Variants in ATP10A observed in about 807,000 individuals in gnomAD.
ATP10A encodes the protein phospholipid-transporting ATPase VA.
In ATP10A, 111 loss-of-function variants were observed where a neutral mutation model predicts 147.8. That is an observed-to-expected ratio of 0.75 (90% CI 0.64 to 0.88). The LOEUF is 0.88. Ranked by LOEUF, ATP10A falls within the 40% of genes least tolerant of loss-of-function variation. The pLI is 0.00. For synonymous variants in ATP10A, 875 were observed against 841.6 expected (o/e 1.04, Z -0.69); for missense variants, 1,927 against 1,959.0 (o/e 0.98, Z 0.31).
At chr15:25,784,134 G>A (rs1890050929) in intron 1 of ATP10A, among the ~76,000 whole-genome samples, 1 of 152,170 alleles carries the variant, frequency 6.6e-6, no homozygotes, top group Admixed American at 6.5e-5. Context: ...AGCGTCTGCT[G>A]GGCTCCTGCA....
At chr15:25,751,443 C>T (rs1888152519) in intron 2 of ATP10A, among the ~76,000 whole-genome samples, 2 of 152,126 alleles carry the variant, frequency 1.3e-5, no homozygotes, top group African/African-American at 4.8e-5. Flanking sequence ...AAATACTCCA[C>T]CTAAAAACAG....
chr15:25,798,901 C>T (rs1300524457), intron 1 of ATP10A, among the ~76,000 whole-genome samples: 4 of 78,138 alleles, frequency 5.1e-5, no homozygotes, highest in African/African-American at 1.8e-4. Context: ...CTCGGAGGCC[C>T]CCGACTGGCT....
intron 1 of ATP10A, among the ~76,000 whole-genome samples, chr15:25,842,682 T>C (rs910219623): frequency 6.6e-6 from 1 of 152,090 alleles, no homozygotes; most frequent in Non-Finnish European, 1.5e-5. Flanking sequence ...TTATCTCTGA[T>C]TGTATAGATA....
chr15:25,800,000 G>A (rs1890861246), intron 1 of ATP10A, among the ~76,000 whole-genome samples: 1 of 152,108 alleles, frequency 6.6e-6, no homozygotes. Flanking sequence ...TCAGTCTCAG[G>A]AATTCTAAAG....
chr15:25,772,875 A>C (rs1889410511), intron 2 of ATP10A, among the ~76,000 whole-genome samples: 1 of 152,166 alleles, frequency 6.6e-6, no homozygotes, highest in Non-Finnish European at 1.5e-5. Flanking sequence ...ACTACTGAAA[A>C]GGGCTTTGTG....
At chr15:25,834,524 T>A (rs761976241) in intron 1 of ATP10A, among the ~76,000 whole-genome samples, 2 of 152,170 alleles carry the variant, frequency 1.3e-5, no homozygotes, top group Non-Finnish European at 2.9e-5. Context: ...GTGGAGAAAG[T>A]GGAACCCTCG....
intron 1 of ATP10A, among the ~76,000 whole-genome samples, chr15:25,787,308 T>C (rs2140731035): frequency 6.6e-6 from 1 of 152,170 alleles, no homozygotes; most frequent in African/African-American, 2.4e-5. Context: ...AGATAAAATA[T>C]CACTAAGCTT....
intron 2 of ATP10A, among the ~76,000 whole-genome samples, chr15:25,743,068 C>T (rs12901627): frequency 0.29 from 44,072 of 152,076 alleles, 7,984 homozygotes; most frequent in Non-Finnish European, 0.4. Context: ...CTGTGCACAG[C>T]GTAAGAGGGG....
intron 1 of ATP10A, among the ~76,000 whole-genome samples, chr15:25,834,754 C>T (rs1274411006): frequency 6.6e-6 from 1 of 152,194 alleles, no homozygotes; most frequent in East Asian, 1.9e-4. Flanking sequence ...AGATGTGGTA[C>T]ATCCATACAA....
chr15:25,761,803 C>A (rs1401726598), intron 2 of ATP10A, among the ~76,000 whole-genome samples: 1 of 152,200 alleles, frequency 6.6e-6, no homozygotes, highest in Non-Finnish European at 1.5e-5. Context: ...TTTATAGTCT[C>A]ATAGGCAGAA....
At chr15:25,729,881 G>A (rs1902849973) in intron 3 of ATP10A, among the ~76,000 whole-genome samples, 1 of 152,152 alleles carries the variant, frequency 6.6e-6, no homozygotes, top group African/African-American at 2.4e-5. Context: ...GCACACCCCA[G>A]TGCCTACCTC....
At position 25,747,684 on chromosome 15, in the gene ATP10A, G is replaced by C. The variant is rs537123608; in HGVS notation, c.655-11543C>G. ...ATACAAGTTTCTAAAATTTAGAGTA[G>C]AAAAAAACCCAGCATATTCTCAATA... is the stretch of plus-strand genomic sequence containing the variant. On this transcript the variant is annotated intron_variant, in intron 2 of 20. Coordinates refer to ENST00000555815, the MANE Select transcript of ATP10A (RefSeq NM_024490.4). Among the ~76,000 whole-genome samples the C allele has an allele frequency of 9.9e-4, 151 of 152,094 alleles. 4 individuals carry two copies. In the South Asian group the frequency reaches 0.031, roughly 31 times the overall value.
chr15:25,720,618 G>A (rs189802811), intron 7 of ATP10A, among the ~76,000 whole-genome samples: 1 of 152,246 alleles, frequency 6.6e-6, no homozygotes, highest in Non-Finnish European at 1.5e-5. Flanking sequence ...AAAGAGAGGA[G>A]AGGGAGGCCG....
At chr15:25,682,053 T>G (rs1206787228) in intron 17 of ATP10A, among the ~76,000 whole-genome samples, 1 of 127,196 alleles carries the variant, frequency 7.9e-6, no homozygotes, top group Non-Finnish European at 1.6e-5. Context: ...GACCTTGTCT[T>G]AAAAAAAAAA....
Position 25,691,716 on chromosome 15 carries a change from T to C in ATP10A, c.3164A>G (p.Gln1055Arg). 1 of 1,614,202 alleles carries C rather than the reference T, an allele frequency of 6.2e-7. No individual in the cohort carries two copies. Among genetic ancestry groups the C allele is most frequent in the Non-Finnish European group, 8.5e-7 (1 of 1,180,032 alleles). ...CAGAATAGCCTGATTGGTCTTTACC[T>C]GCATACCCTCCTGGCCGGAGATTCC... ...GVGISGQEGMQAVMASDFAVP... is the reference protein window; with the variant it reads ...GVGISGQEGMRAVMASDFAVP... The change falls in exon 15 of 21, where the codon CAG (glutamine) becomes CGG (arginine). Residue 1055 changes from glutamine to arginine, a missense_variant and splice_region_variant. Physicochemically the swap from Gln to Arg is conservative, Grantham distance 43 (BLOSUM62 1). Transcript: ENST00000555815.
Position 25,687,818 on chromosome 15 carries a change from G to A in ATP10A, c.3176C>T (p.Ala1059Val). The change falls in exon 16 of 21, where the codon GCC becomes GTC. Residue 1059 changes from alanine (A) to valine (V), a missense_variant. By Grantham distance (64) the Ala-to-Val change is moderately conservative. Coordinates refer to ENST00000555815, the MANE Select transcript of ATP10A (RefSeq NM_024490.4). ...SGQEGMQAVM[A>V]SDFAVPKFRY... ...GAATTTCGGCACTGCAAAGTCGCTG[G>A]CCATCACTGCCTTCAAAGGGAGAGG... 6.2e-7 allele frequency: 1 copy of A among 1,613,898 alleles called. No individual in the cohort carries two copies. The highest frequency in any genetic ancestry group is 8.5e-7 in the Non-Finnish European group (1 of 1,179,878).
In ATP10A at chr15:25,718,264, T is replaced by G; in HGVS notation, c.1499A>C (p.Lys500Thr). 1.2e-6 allele frequency: 2 copies of G among 1,612,736 alleles called. No homozygotes were observed. The highest frequency in any genetic ancestry group is 1.7e-6 in the Non-Finnish European group (2 of 1,179,978). Residue 500 changes from lysine (K) to threonine (T), a missense_variant, in exon 8 of 21, where the codon AAG becomes ACG. Lys to Thr is a moderately conservative substitution (Grantham distance 78, BLOSUM62 -1). Transcript: ENST00000555815. ...VRVVHRTQST[K>T]SHRRTGSRAE... ...CCGGCTGCCCGTGCGCCGGTGGGAC[T>G]TGGTGCTCTGGGTTCTGTGCACCAC...
chr15:25,800,856 C>A (rs764437006), intron 1 of ATP10A, among the ~76,000 whole-genome samples: 1 of 151,984 alleles, frequency 6.6e-6, no homozygotes, highest in Non-Finnish European at 1.5e-5. Context: ...ACTTTATTAC[C>A]AATATTACAA....
chr15:25,768,755 C>T (rs1199529430), intron 2 of ATP10A, among the ~76,000 whole-genome samples: 1 of 144,468 alleles, frequency 6.9e-6, no homozygotes, highest in African/African-American at 2.6e-5. Flanking sequence ...TCTCAAACTC[C>T]TGGGTTTATG....
Sources: allele counts gnomAD v4.1 joint callset (sites outside exome capture counted in the v4.1 genomes callset), GRCh38; gene constraint gnomAD v4.1.1; transcripts MANE v1.5; gene names NCBI Gene and HGNC (gene_info 2026-07-23, HGNC 2026-07-21).